Variants in ARHGAP44 observed in about 807,000 individuals in gnomAD.
ARHGAP44 encodes Rho GTPase activating protein 44.
ARHGAP44 carries 43 observed loss-of-function variants against 106.8 expected under a neutral mutation model. The observed-to-expected ratio is 0.40, with a 90% CI of 0.32 to 0.52. The LOEUF is 0.52. Among genes scored for constraint, ARHGAP44 ranks in the 20% least tolerant of loss-of-function variants. The pLI is 0.48. For synonymous variants in ARHGAP44, 439 were observed against 410.3 expected (o/e 1.07, Z -0.85); for missense variants, 866 against 1,050.5 (o/e 0.82, Z 2.43).
intron 1 of ARHGAP44, among the ~76,000 whole-genome samples, chr17:12,802,477 C>T (rs1323833171): frequency 1.3e-5 from 2 of 152,066 alleles, no homozygotes; most frequent in South Asian, 2.1e-4. Flanking sequence ...CAGTCTAGTT[C>T]GTTAAGTCCG....
intron 1 of ARHGAP44, among the ~76,000 whole-genome samples, chr17:12,839,304 T>C (rs1326607206): frequency 5.9e-5 from 9 of 152,286 alleles, no homozygotes; most frequent in African/African-American, 2.2e-4. Context: ...ATGTGTCCCT[T>C]AGTGTCCCTC....
At chr17:12,896,934 C>G (rs1187406769) in intron 3 of ARHGAP44, among the ~76,000 whole-genome samples, 2 of 152,178 alleles carry the variant, frequency 1.3e-5, no homozygotes, top group Non-Finnish European at 2.9e-5. Context: ...TTAGAGGTTA[C>G]AAGTGACCTA....
intron 7 of ARHGAP44, among the ~76,000 whole-genome samples, chr17:12,932,798 A>G (rs563470979): frequency 2.0e-4 from 31 of 151,864 alleles, no homozygotes; most frequent in Non-Finnish European, 4.3e-4. Flanking sequence ...TTCACTATCT[A>G]ATTACTCTAA....
chr17:12,828,554 G>C (rs564003609), intron 1 of ARHGAP44, among the ~76,000 whole-genome samples: 48 of 148,904 alleles, frequency 3.2e-4, no homozygotes, highest in Non-Finnish European at 4.9e-4. Flanking sequence ...ACTGGGATAT[G>C]TACTACTTAA....
intron 1 of ARHGAP44, among the ~76,000 whole-genome samples, chr17:12,793,491 T>C (rs1396322071): frequency 6.6e-6 from 1 of 152,170 alleles, no homozygotes; most frequent in African/African-American, 2.4e-5. Context: ...GTGGATCACC[T>C]GAGGTCAGGA....
intron 18 of ARHGAP44, 35 bp from the exon 19 acceptor site, chr17:12,980,023 G>A: frequency 6.4e-7 from 1 of 1,571,708 alleles, no homozygotes; most frequent in Non-Finnish European, 8.6e-7. Flanking sequence ...ACTGAGTTCA[G>A]GGCTTTTCTT....
At chr17:12,898,578 G>T (rs1250230171) in intron 3 of ARHGAP44, among the ~76,000 whole-genome samples, 1 of 152,222 alleles carries the variant, frequency 6.6e-6, no homozygotes, top group Non-Finnish European at 1.5e-5. Flanking sequence ...CAGCAGCTAT[G>T]TGACGCTTGG....
At position 12,958,829 on chromosome 17, in the gene ARHGAP44, C is replaced by T. The variant is rs373186963; in HGVS notation, c.1455C>T (p.Pro485=). The T allele has an allele frequency of 7.4e-5, 118 of 1,587,608 alleles. No individual in the cohort carries two copies. The highest frequency in any genetic ancestry group is 1.6e-4 in the East Asian group (7 of 43,748). The change falls in exon 16 of 21, where the codon CCC becomes CCT. Residue 485 remains proline (P), a synonymous_variant. Transcript: ENST00000379672. The surrounding 1 kb of genome is among the most constrained non-coding windows in gnomAD (Gnocchi z 4.1). Reference sequence around the variant, plus strand: ...TGGACCCTGCTGACCGGCGCCAGCCCGAGCAGGCCCGCCGGCCCCTCAGCG... The same window carrying T: ...TGGACCCTGCTGACCGGCGCCAGCCTGAGCAGGCCCGCCGGCCCCTCAGCG... ...PDMDPADRRQ[P]EQARRPLSVA...
intron 1 of ARHGAP44, among the ~76,000 whole-genome samples, chr17:12,884,319 T>C (rs1240185208): frequency 6.6e-6 from 1 of 152,212 alleles, no homozygotes; most frequent in Non-Finnish European, 1.5e-5. Flanking sequence ...AGCACCATTT[T>C]TTGTTTTCAA....
chr17:12,989,892 T>C, intron 20 of ARHGAP44, 140 bp from the exon 21 acceptor site: 1 of 1,275,222 alleles, frequency 7.8e-7, no homozygotes, highest in Non-Finnish European at 1.1e-6. Flanking sequence ...TGCAACACAA[T>C]GCTTAAACCA....
chr17:12,865,530 C>T (rs1373891142), intron 1 of ARHGAP44, among the ~76,000 whole-genome samples: 2 of 152,132 alleles, frequency 1.3e-5, no homozygotes, highest in Non-Finnish European at 2.9e-5. Flanking sequence ...TGGCTCACGC[C>T]TGTAATCCCA....
intron 4 of ARHGAP44, among the ~76,000 whole-genome samples, chr17:12,915,254 G>A (rs1002794844): frequency 1.1e-4 from 16 of 152,196 alleles, no homozygotes; most frequent in African/African-American, 3.9e-4. Context: ...GCCCAGGCTG[G>A]TTTGTAATAA....
intron 4 of ARHGAP44, among the ~76,000 whole-genome samples, chr17:12,911,832 A>C (rs1326643111): frequency 6.6e-6 from 1 of 152,130 alleles, no homozygotes; most frequent in Non-Finnish European, 1.5e-5. Flanking sequence ...GTCTTCTTCC[A>C]CTCATGCAGC....
At chr17:12,844,800 T>C (rs2035516112) in intron 1 of ARHGAP44, among the ~76,000 whole-genome samples, 1 of 152,230 alleles carries the variant, frequency 6.6e-6, no homozygotes, top group Non-Finnish European at 1.5e-5. Context: ...CCTGCATTTG[T>C]ATATTCTCCA....
intron 15 of ARHGAP44, 97 bp downstream of exon 15, chr17:12,956,843 C>T: frequency 1.3e-6 from 1 of 792,686 alleles, no homozygotes; most frequent in Non-Finnish European, 1.9e-6. Context: ...TGCCCACAGG[C>T]TTTTTTTTTT....
chr17:12,990,173 A>G lies in ARHGAP44; in HGVS notation c.*2A>G, dbSNP rs543496584. On this transcript the variant is annotated 3_prime_UTR_variant, in exon 21 of 21. Transcript: ENST00000379672. Reference sequence around the variant, plus strand: ...GAGTCTGAGAGCACCGCCCTCTGACATGACACCGCCCATCCTGCCTCGCGT... The same window carrying G: ...GAGTCTGAGAGCACCGCCCTCTGACGTGACACCGCCCATCCTGCCTCGCGT... 47 of 1,611,028 alleles carry G rather than the reference A, an allele frequency of 2.9e-5. No homozygotes were observed. The highest frequency in any genetic ancestry group is 3.7e-5 in the Non-Finnish European group (44 of 1,177,504).
rs1423167053 is a variant in ARHGAP44 at position 12,789,969 on chromosome 17, G to T, written c.53+78G>T. ...CAGGGGCGCGCAGGTGATGGAGCCC[G>T]CCCAGCCTCCAGTCCTCCTTGCCTC... On this transcript the variant is annotated intron_variant, in intron 1 of 20. Transcript: ENST00000379672. 3 of 1,339,656 alleles carry T rather than the reference G, an allele frequency of 2.2e-6. No individual in the cohort carries two copies. The African/African-American group carries it at 4.7e-5, about 21-fold the overall frequency. The allele number at this position is 1,339,656 out of a possible 1,614,324, so 83.0% of individuals were successfully genotyped here.
chr17:12,820,067 ATTT>A (rs550802082), intron 1 of ARHGAP44, among the ~76,000 whole-genome samples: 7 of 152,126 alleles, frequency 4.6e-5, no homozygotes, highest in Non-Finnish European at 1.0e-4. Flanking sequence ...TCAAATAAGT[ATTT>A]GAGTGTGTTG....
intron 16 of ARHGAP44, among the ~76,000 whole-genome samples, chr17:12,966,156 A>C (rs1042085991): frequency 1.1e-4 from 6 of 56,642 alleles, no homozygotes; most frequent in African/African-American, 9.9e-4. Flanking sequence ...ACGCTGTCTC[A>C]AAAAAAAAAA....
Sources: allele counts gnomAD v4.1 joint callset (sites outside exome capture counted in the v4.1 genomes callset), GRCh38; gene constraint gnomAD v4.1.1; non-coding constraint Gnocchi (gnomAD v3.1); transcripts MANE v1.5; gene names NCBI Gene and HGNC (gene_info 2026-07-23, HGNC 2026-07-21).